LARGE1: variants seen among roughly 807,000 people sequenced by gnomAD.
The protein encoded by LARGE1 is LARGE xylosyl- and glucuronyltransferase 1.
A neutral mutation model predicts 87.6 loss-of-function variants in LARGE1; 43 were observed. The ratio of observed to expected loss-of-function variants is 0.49; its 90% CI spans 0.38 to 0.63. The LOEUF (loss-of-function observed/expected upper bound fraction) is 0.63, where lower values mean the gene tolerates loss of function less well. Among genes scored for constraint, LARGE1 ranks in the 30% least tolerant of loss-of-function variants. The pLI is 0.00. For synonymous variants in LARGE1, 434 were observed against 394.6 expected (o/e 1.10, Z -1.18); for missense variants, 802 against 1,000.2 (o/e 0.80, Z 2.67).
chr22:33,483,153 G>A (rs4821152), intron 6 of LARGE1, among the ~76,000 whole-genome samples: 24,895 of 152,018 alleles, frequency 0.16, 2,343 homozygotes, highest in East Asian at 0.28. Flanking sequence ...TGGCTGGCCC[G>A]CCTTCCATTT....
chr22:33,438,251 G>T (rs1463862521), intron 6 of LARGE1, among the ~76,000 whole-genome samples: 1 of 152,078 alleles, frequency 6.6e-6, no homozygotes, highest in Non-Finnish European at 1.5e-5. Flanking sequence ...GGGATTCCTT[G>T]GGGGAGATGA....
chr22:33,400,791 G>A (rs527685079), intron 7 of LARGE1, among the ~76,000 whole-genome samples: 2 of 152,304 alleles, frequency 1.3e-5, no homozygotes, highest in Non-Finnish European at 1.5e-5. Context: ...CGCATGCTCA[G>A]AAAAAAAGCA....
chr22:33,416,905 A>ATTTTTTTTT (rs1569145162), intron 7 of LARGE1, among the ~76,000 whole-genome samples: 2 of 52,202 alleles, frequency 3.8e-5, no homozygotes, highest in Admixed American at 1.8e-4. Flanking sequence ...CCACGCCCGG[A>ATTTTTTTTT]CTTTTTTTTT....
intron 9 of LARGE1, among the ~76,000 whole-genome samples, chr22:33,351,930 G>C (rs1162838478): frequency 6.6e-6 from 1 of 151,816 alleles, no homozygotes; most frequent in Non-Finnish European, 1.5e-5. Flanking sequence ...GTAGAGATGG[G>C]GCTTCACCAT....
intron 11 of LARGE1, among the ~76,000 whole-genome samples, chr22:33,178,978 C>T (rs1923022193): frequency 6.6e-6 from 1 of 152,056 alleles, no homozygotes; most frequent in Non-Finnish European, 1.5e-5. Context: ...CTGGTGAGGA[C>T]CTTCTTGCTG....
intron 2 of LARGE1, among the ~76,000 whole-genome samples, chr22:33,689,941 G>A (rs1032338011): frequency 1.3e-5 from 2 of 151,712 alleles, no homozygotes; most frequent in Admixed American, 1.3e-4. Context: ...AAAAAAAGGA[G>A]GGAAAAATGA....
the LARGE1 span, among the ~76,000 whole-genome samples, chr22:33,069,577 A>G: frequency 5.3e-5 from 8 of 152,264 alleles, no homozygotes; most frequent in African/African-American, 1.9e-4. Context: ...AATGAGTGTA[A>G]TAATTGAACC....
At chr22:33,281,304 G>A (rs1930396237) in intron 13 of LARGE1, among the ~76,000 whole-genome samples, 3 of 152,080 alleles carry the variant, frequency 2.0e-5, no homozygotes, top group South Asian at 2.1e-4. Flanking sequence ...TCAGACTATG[G>A]CATTCATGGG....
chr22:33,378,095 G>A (rs2065043172), intron 9 of LARGE1, among the ~76,000 whole-genome samples: 1 of 151,990 alleles, frequency 6.6e-6, no homozygotes, highest in Non-Finnish European at 1.5e-5. Flanking sequence ...TGTGTGTTTT[G>A]TGATTCCTGA....
chr22:33,112,478 G>C, the LARGE1 span, among the ~76,000 whole-genome samples: 1 of 152,216 alleles, frequency 6.6e-6, no homozygotes, highest in East Asian at 1.9e-4. Context: ...TATTACCATT[G>C]TTAGTAGTGG....
chr22:33,466,518 A>G (rs1041074012), intron 6 of LARGE1, among the ~76,000 whole-genome samples: 5 of 152,182 alleles, frequency 3.3e-5, no homozygotes, highest in Non-Finnish European at 7.4e-5. Context: ...GCTGCATTAA[A>G]TTTGAAGATA....
chr22:33,696,183 C>G (rs564682794), intron 2 of LARGE1, among the ~76,000 whole-genome samples: 1 of 151,948 alleles, frequency 6.6e-6, no homozygotes, highest in African/African-American at 2.4e-5. Flanking sequence ...CATAGTCCAG[C>G]GATAACTACA....
chr22:33,730,140 T>C (rs1488645212), intron 2 of LARGE1, among the ~76,000 whole-genome samples: 3 of 152,060 alleles, frequency 2.0e-5, no homozygotes, highest in African/African-American at 7.2e-5. Context: ...AAGACCAATC[T>C]CTCCTCCTCC....
At chr22:33,553,936 G>A (rs968243139) in intron 6 of LARGE1, among the ~76,000 whole-genome samples, 1 of 152,150 alleles carries the variant, frequency 6.6e-6, no homozygotes, top group Non-Finnish European at 1.5e-5. Context: ...ACAACTGATA[G>A]AGAGGTCCAT....
intron 7 of LARGE1, among the ~76,000 whole-genome samples, chr22:33,410,980 C>T (rs961253175): frequency 1.3e-5 from 2 of 152,210 alleles, no homozygotes; most frequent in African/African-American, 4.8e-5. Context: ...AAGGAAACCA[C>T]GTTCTGAATG....
At chr22:33,137,084 T>G in the LARGE1 span, 1 of 152,096 alleles carries the variant, frequency 6.6e-6, no homozygotes, top group Non-Finnish European at 1.5e-5. Flanking sequence ...GTGCCCCAGG[T>G]TTACCACAAT....
chr22:33,408,366 A>G (rs1392995342), intron 7 of LARGE1, among the ~76,000 whole-genome samples: 1 of 152,210 alleles, frequency 6.6e-6, no homozygotes, highest in Non-Finnish European at 1.5e-5. Flanking sequence ...AAGATCAATG[A>G]TAAGGATGAC....
At chr22:33,331,702 C>A (rs1937731320) in intron 10 of LARGE1, among the ~76,000 whole-genome samples, 1 of 152,152 alleles carries the variant, frequency 6.6e-6, no homozygotes, top group South Asian at 2.1e-4. Flanking sequence ...GCCACCGCAC[C>A]TGGCCTGTGC....
At chr22:33,466,917 G>A (rs2068642290) in intron 6 of LARGE1, among the ~76,000 whole-genome samples, 1 of 152,136 alleles carries the variant, frequency 6.6e-6, no homozygotes, top group Non-Finnish European at 1.5e-5. Context: ...GAGCACGCCT[G>A]TAATCCCACC....
Sources: allele counts gnomAD v4.1 joint callset (sites outside exome capture counted in the v4.1 genomes callset), GRCh38; gene constraint gnomAD v4.1.1; transcripts MANE v1.5; gene names NCBI Gene and HGNC (gene_info 2026-07-23, HGNC 2026-07-21).